The following C12orf42 variants were observed in gnomAD, a reference collection of about 807,000 sequenced individuals.
C12orf42 encodes chromosome 12 open reading frame 42.
A neutral mutation model predicts 21.6 loss-of-function variants in C12orf42; 25 were observed. The ratio of observed to expected loss-of-function variants is 1.16; its 90% CI spans 0.84 to 1.62. C12orf42 has a LOEUF of 1.62. Ranked by LOEUF, C12orf42 falls within the 40% of genes most tolerant of loss-of-function variation. The probability of loss-of-function intolerance (pLI) is 0.00; values close to 1 mark genes in which losing one functional copy is unlikely to be tolerated. For synonymous variants in C12orf42, 174 were observed against 175.0 expected (o/e 0.99, Z 0.05); for missense variants, 483 against 459.3 (o/e 1.05, Z -0.47).
intron 4 of C12orf42, chr12:103,277,295 A>G (rs1465164015): frequency 2.8e-6 from 1 of 355,484 alleles, no homozygotes; most frequent in Non-Finnish European, 5.4e-6. Context: ...ATTAATTTAT[A>G]ACACAAATAA....
intron 1 of C12orf42, among the ~76,000 whole-genome samples, chr12:103,480,811 T>TGTAGCCA (rs1298632738): frequency 2.6e-5 from 4 of 151,638 alleles, no homozygotes; most frequent in Non-Finnish European, 4.4e-5. Flanking sequence ...ATAGTCTCCA[T>TGTAGCCA]GTAGCCAATT....
chr12:103,050,064 C>T, the C12orf42 span, among the ~76,000 whole-genome samples: 2 of 152,124 alleles, frequency 1.3e-5, no homozygotes, highest in Non-Finnish European at 2.9e-5. Flanking sequence ...ATTTTGTTTC[C>T]TGAGGTATTC....
intron 2 of C12orf42, among the ~76,000 whole-genome samples, chr12:103,430,542 G>A (rs1413276578): frequency 6.6e-6 from 1 of 152,202 alleles, no homozygotes; most frequent in Non-Finnish European, 1.5e-5. Context: ...AACCATTGTG[G>A]AAGACAGTGT....
intron 3 of C12orf42, among the ~76,000 whole-genome samples, chr12:103,395,466 G>A (rs2047445947): frequency 1.3e-5 from 2 of 151,870 alleles, no homozygotes; most frequent in African/African-American, 4.8e-5. Flanking sequence ...CTCCTGAGTA[G>A]CTGGGACTAC....
At chr12:103,205,626 T>C in the C12orf42 span, among the ~76,000 whole-genome samples, 1 of 151,078 alleles carries the variant, frequency 6.6e-6, no homozygotes, top group Non-Finnish European at 1.5e-5. Flanking sequence ...CACCTGCTTA[T>C]CTACCTGAGA....
the C12orf42 span, among the ~76,000 whole-genome samples, chr12:103,103,149 A>G: frequency 6.6e-6 from 1 of 152,128 alleles, no homozygotes; most frequent in Admixed American, 6.5e-5. Flanking sequence ...TAACCTAATC[A>G]AGGGAGCCAT....
downstream of C12orf42, among the ~76,000 whole-genome samples, chr12:103,233,719 T>C (rs1263907175): frequency 1.3e-5 from 2 of 152,212 alleles, no homozygotes; most frequent in East Asian, 3.8e-4. Context: ...CAGGGGTTTT[T>C]GTCCAGGAAC....
At chr12:103,168,036 A>C in the C12orf42 span, 1 of 455,816 alleles carries the variant, frequency 2.2e-6, no homozygotes, top group Non-Finnish European at 4.4e-6. Flanking sequence ...ATCTCTTTAT[A>C]GGTGAGGGAG....
chr12:103,248,366 C>T (rs190066290), intron 10 of C12orf42, among the ~76,000 whole-genome samples: 1 of 152,000 alleles, frequency 6.6e-6, no homozygotes, highest in East Asian at 1.9e-4. Context: ...TACAGTAAGT[C>T]GATAGTAAAG....
At chr12:103,420,418 A>G (rs1229988079) in intron 2 of C12orf42, among the ~76,000 whole-genome samples, 2 of 152,126 alleles carry the variant, frequency 1.3e-5, no homozygotes, top group Non-Finnish European at 1.5e-5. Context: ...TACACTCACG[A>G]TGAGCTTCCA....
chr12:103,521,773 C>T, the C12orf42 span, among the ~76,000 whole-genome samples: 1 of 152,186 alleles, frequency 6.6e-6, no homozygotes, highest in Admixed American at 6.5e-5. Flanking sequence ...TCGTCTTTGT[C>T]TTGCTTCCAC....
At chr12:103,214,775 C>T in the C12orf42 span, among the ~76,000 whole-genome samples, 1 of 152,084 alleles carries the variant, frequency 6.6e-6, no homozygotes, top group African/African-American at 2.4e-5. Context: ...TATTGAATTG[C>T]TTATCACTAT....
intron 4 of C12orf42, among the ~76,000 whole-genome samples, chr12:103,346,738 C>T (rs1323431342): frequency 6.6e-6 from 1 of 152,168 alleles, no homozygotes; most frequent in Non-Finnish European, 1.5e-5. Context: ...CTACAATACG[C>T]CATCTGTATC....
chr12:103,450,838 C>A (rs1024145147), intron 2 of C12orf42, among the ~76,000 whole-genome samples: 16 of 152,238 alleles, frequency 1.1e-4, no homozygotes, highest in African/African-American at 3.9e-4. Flanking sequence ...TCTCAGCCTG[C>A]TTTCAGTCCA....
the C12orf42 span, among the ~76,000 whole-genome samples, chr12:103,130,384 A>C: frequency 1.3e-5 from 2 of 151,074 alleles, no homozygotes; most frequent in Non-Finnish European, 2.9e-5. Context: ...ATCTTTAATC[A>C]TCATTCTAAT....
rs564249014 is a variant in C12orf42, at chr12:103,340,840, G to A, written c.259+28047C>T. ...CTGAAGACACAGCAATAGGCTGGGC[G>A]CAGTGGCTCACGCCTGTAATCCCAG... On this transcript the variant is annotated intron_variant, in intron 4 of 5. Transcript: ENST00000548883. Among the ~76,000 whole-genome samples the A allele has an allele frequency of 4.1e-4, 62 of 152,300 alleles. 1 individual carries two copies. Among genetic ancestry groups the A allele is most frequent in the Admixed American group, 3.8e-3 (58 of 15,304 alleles).
In C12orf42 at chr12:103,273,962, A is replaced by G. The variant is rs1268703326; in HGVS notation, n.398+3188T>C. ...ACAGTAAGTACTCAGTGTGCTGTCC[A>G]GGGTCAAGAAAAATCCCCCCAAGAG... On this transcript the variant is annotated intron_variant and non_coding_transcript_variant, in intron 5 of 6. Transcript: ENST00000546526. 5 of 455,378 alleles carry G rather than the reference A, an allele frequency of 1.1e-5. No individual in the cohort carries two copies. The Admixed American group carries it at 1.2e-4, about 11-fold the overall frequency. 28.2% of individuals were successfully genotyped at this position (455,378 alleles called of 1,614,324 possible). A position where few individuals can be genotyped will look rare whatever the true frequency, so the allele number is the denominator to read the frequency against.
At chr12:103,329,711 A>G (rs545321226) in intron 4 of C12orf42, among the ~76,000 whole-genome samples, 2 of 152,050 alleles carry the variant, frequency 1.3e-5, no homozygotes, top group East Asian at 1.9e-4. Flanking sequence ...AGAAGCCTAC[A>G]TATTCATTGT....
the C12orf42 span, among the ~76,000 whole-genome samples, chr12:103,127,694 GCTGCTACATATCCTGCAATGCACAGGA>G: frequency 2.0e-5 from 3 of 152,142 alleles, no homozygotes; most frequent in Non-Finnish European, 4.4e-5. Context: ...GGCCAGGGAT[GCTGCTACATATCCTGCAATGCACAGGA>G]CACCTCCCTA....
Sources: gnomAD v4.1 joint callset for allele counts (sites outside exome capture counted in the v4.1 genomes callset) on GRCh38, gnomAD v4.1.1 for gene constraint, MANE v1.5 for transcripts, NCBI Gene and HGNC (gene_info 2026-07-23, HGNC 2026-07-21) for gene names.